The following ZNF93 variants were observed in gnomAD, a reference collection of about 807,000 sequenced individuals.
The protein encoded by ZNF93 is zinc finger protein 505.
A neutral mutation model predicts 45.0 loss-of-function variants in ZNF93; 29 were observed. That is an observed-to-expected ratio of 0.64 (90% CI 0.48 to 0.88). The LOEUF is 0.88. ZNF93 is among the 40% of genes least tolerant of loss of function. The pLI is 0.00. For missense variants in ZNF93, 578 were observed against 724.0 expected (o/e 0.80, Z 2.31); for synonymous variants, 223 against 244.6 (o/e 0.91, Z 0.82).
At chr19:19,914,871 G>T in intron 1 of ZNF93, 1 of 329,184 alleles carries the variant, frequency 3.0e-6, no homozygotes, top group South Asian at 2.4e-5. Context: ...CAGATCTTCT[G>T]GGAAAAAACC....
intron 3 of ZNF93, among the ~76,000 whole-genome samples, chr19:19,922,961 T>C (rs1367011577): frequency 2.0e-5 from 3 of 152,234 alleles, no homozygotes; most frequent in Non-Finnish European, 2.9e-5. Context: ...CATTCAGCTT[T>C]GTTCCATTGC....
At position 19,901,106 on chromosome 19, in the gene ZNF93, C is replaced by T; in HGVS notation, c.3+15C>T. On this transcript the variant is annotated intron_variant, in intron 1 of 3. Transcript: ENST00000343769. ...GCCTAGAAATGGTGAGAGTGCCGGT[C>T]CGACATCCCAAGCGACGGGGAGGGG... 6.2e-7 allele frequency: 1 copy of T among 1,613,532 alleles called. No individual in the cohort carries two copies. Among genetic ancestry groups the T allele is most frequent in the Non-Finnish European group, 8.5e-7 (1 of 1,179,646 alleles).
intron 1 of ZNF93, chr19:19,909,664 C>T (rs1310385146): frequency 6.6e-6 from 1 of 152,154 alleles, no homozygotes; most frequent in Non-Finnish European, 1.5e-5. Flanking sequence ...CATTTTCTTT[C>T]TGTTCTATTA....
At chr19:19,904,391 A>C (rs1026438764) in intron 1 of ZNF93, among the ~76,000 whole-genome samples, 1 of 152,140 alleles carries the variant, frequency 6.6e-6, no homozygotes, top group African/African-American at 2.4e-5. Context: ...AGTAAACATA[A>C]CTACAGTGTT....
At chr19:19,925,927 G>A (rs1352941424) in intron 3 of ZNF93, among the ~76,000 whole-genome samples, 1 of 151,908 alleles carries the variant, frequency 6.6e-6, no homozygotes, top group African/African-American at 2.4e-5. Context: ...TCTTTTAAAT[G>A]CTAATTTATT....
At chr19:19,918,923 G>T (rs2063333525) in intron 3 of ZNF93, among the ~76,000 whole-genome samples, 2 of 148,394 alleles carry the variant, frequency 1.3e-5, no homozygotes, top group Admixed American at 6.7e-5. Flanking sequence ...TCTGATGGTA[G>T]TTTTTTTTTT....
At chr19:19,931,233 A>G (rs771745943) in intron 3 of ZNF93, among the ~76,000 whole-genome samples, 1 of 151,822 alleles carries the variant, frequency 6.6e-6, no homozygotes, top group Admixed American at 6.6e-5. Context: ...CTTGTTGCCC[A>G]GGCTGGAGTG....
Position 19,933,626 on chromosome 19 carries a change from C to T in ZNF93, c.671C>T (p.Thr224Ile). The change falls in exon 4 of 4, where the codon ACT becomes ATT. Residue 224 changes from threonine to isoleucine, a missense_variant. By Grantham distance (89) the Thr-to-Ile change is moderately conservative. Around this residue, in one of 3 missense-constraint regions of ZNF93, gnomAD observed 446 missense variants for 547.6 expected, o/e 0.81. Transcript: ENST00000343769. ...SALNTHKRIH[T>I]GEKPYKCDKC... is the part of the protein sequence containing the mutation. Reference sequence around the variant, plus strand: ...CTTAATACACATAAGAGAATTCATACTGGAGAGAAACCATACAAGTGTGAT... The same window carrying T: ...CTTAATACACATAAGAGAATTCATATTGGAGAGAAACCATACAAGTGTGAT... 1 of 1,610,514 alleles carries T rather than the reference C, an allele frequency of 6.2e-7. No homozygotes were observed. The highest frequency in any genetic ancestry group is 8.5e-7 in the Non-Finnish European group (1 of 1,178,538).
chr19:19,915,999 C>A (rs1194147281), intron 2 of ZNF93, among the ~76,000 whole-genome samples: 1 of 152,032 alleles, frequency 6.6e-6, no homozygotes, highest in Non-Finnish European at 1.5e-5. Flanking sequence ...AATGCCACCA[C>A]CAATTTTTGA....
At chr19:19,931,978 T>A (rs919248692) in intron 3 of ZNF93, 2 of 390,334 alleles carry the variant, frequency 5.1e-6, no homozygotes, top group African/African-American at 4.4e-5. Context: ...GTTATTGATA[T>A]AAAAATTATT....
chr19:19,925,151 G>A (rs28437283), intron 3 of ZNF93, among the ~76,000 whole-genome samples: 4,896 of 152,280 alleles, frequency 0.032, 195 homozygotes, highest in African/African-American at 0.098. Flanking sequence ...TCTATCCTGG[G>A]CTGTAGCCAA....
intron 1 of ZNF93, among the ~76,000 whole-genome samples, chr19:19,912,853 T>A (rs2063313280): frequency 6.6e-6 from 1 of 152,242 alleles, no homozygotes; most frequent in South Asian, 2.1e-4. Flanking sequence ...CCGTGCTCTG[T>A]ATCATACTCT....
At chr19:19,930,797 CAT>C (rs147859924) in intron 3 of ZNF93, among the ~76,000 whole-genome samples, 173 of 152,218 alleles carry the variant, frequency 1.1e-3, no homozygotes, top group African/African-American at 4.0e-3. Context: ...CATATATAAT[CAT>C]ATCTAAGATC....
chr19:19,901,672 A>G (rs1421043354), intron 1 of ZNF93, among the ~76,000 whole-genome samples: 1 of 152,024 alleles, frequency 6.6e-6, no homozygotes, highest in East Asian at 1.9e-4. Context: ...CCTTTTCTCA[A>G]AACATCGCGC....
intron 1 of ZNF93, among the ~76,000 whole-genome samples, chr19:19,911,957 T>C (rs999997529): frequency 6.6e-6 from 1 of 152,038 alleles, no homozygotes; most frequent in Non-Finnish European, 1.5e-5. Flanking sequence ...ATCATCTGGA[T>C]CAGGCTGGTC....
Position 19,901,094 on chromosome 19 carries a change from G to A in ZNF93, c.3+3G>A. The A allele has an allele frequency of 1.9e-6, 3 of 1,613,592 alleles. No homozygotes were observed. The highest frequency in any genetic ancestry group is 2.2e-5 in the South Asian group (2 of 91,056). ...GGACCCCTGGAAGCCTAGAAATGGT[G>A]AGAGTGCCGGTCCGACATCCCAAGC... On this transcript the variant is annotated splice_donor_region_variant and intron_variant, in intron 1 of 3. Coordinates refer to ENST00000343769, the MANE Select transcript of ZNF93 (RefSeq NM_031218.4).
intron 3 of ZNF93, chr19:19,932,197 C>T (rs1206417585): frequency 1.2e-5 from 2 of 162,226 alleles, no homozygotes; most frequent in Non-Finnish European, 2.7e-5. Flanking sequence ...CACTAGAACC[C>T]AGGAGGCACT....
At chr19:19,902,471 T>A (rs1003135338) in intron 1 of ZNF93, among the ~76,000 whole-genome samples, 24 of 152,094 alleles carry the variant, frequency 1.6e-4, no homozygotes, top group Admixed American at 1.6e-3. Context: ...TTGGTCAGGC[T>A]GGTCTCGAGC....
chr19:19,933,465 A>C lies in ZNF93; in HGVS notation c.510A>C (p.Lys170Asn). 1 of 1,604,176 alleles carries C rather than the reference A, an allele frequency of 6.2e-7. No homozygotes were observed. Residue 170 changes from lysine to asparagine, a missense_variant, in exon 4 of 4, where the codon AAA becomes AAC. This residue lies in a region of ZNF93 where 446 missense variants were observed against 547.6 expected (regional missense o/e 0.81). Transcript: ENST00000343769. ...SNRHNIRHTE[K>N]KPFKCIECGK... ...GACATAATATAAGACATACTGAAAAAAAACCTTTCAAATGCATAGAATGTG... is the reference window on the plus strand; with the variant it reads ...GACATAATATAAGACATACTGAAAACAAACCTTTCAAATGCATAGAATGTG...
Sources: allele counts gnomAD v4.1 joint callset (sites outside exome capture counted in the v4.1 genomes callset), GRCh38; gene constraint gnomAD v4.1.1; regional missense constraint gnomAD v4.1.1; transcripts MANE v1.5; gene names NCBI Gene and HGNC (gene_info 2026-07-23, HGNC 2026-07-21).